Variants in GSE1 observed in about 807,000 individuals in gnomAD.
GSE1 encodes the protein Gse1 coiled-coil protein.
GSE1 carries 32 observed loss-of-function variants against 112.6 expected under a neutral mutation model. That is an observed-to-expected ratio of 0.28 (90% CI 0.21 to 0.38). The LOEUF is 0.38. GSE1 is among the 10% of genes least tolerant of loss of function. The pLI, the probability that GSE1 is intolerant of heterozygous loss-of-function variation, is 1.00. For synonymous variants in GSE1, 1,115 were observed against 735.6 expected, an observed-to-expected ratio of 1.52 and a Z score of -8.35; for missense variants, 2,348 against 1,699.2, an observed-to-expected ratio of 1.38 and a Z score of -6.71.
intron 6 of GSE1, 114 bp downstream of exon 6, chr16:85,656,031 A>T: frequency 1.2e-6 from 1 of 825,942 alleles, no homozygotes; most frequent in Non-Finnish European, 1.9e-6. Context: ...CTGTCCTCAC[A>T]GTTTGTCCAC....
At chr16:85,319,419 G>T (rs2046052645) in intron 1 of GSE1, among the ~76,000 whole-genome samples, 1 of 152,184 alleles carries the variant, frequency 6.6e-6, no homozygotes, top group African/African-American at 2.4e-5. Flanking sequence ...CTGGGCCTCA[G>T]CCTGTGTCCG....
At chr16:85,651,637 A>G (rs1474096093) in intron 3 of GSE1, among the ~76,000 whole-genome samples, 1 of 152,000 alleles carries the variant, frequency 6.6e-6, no homozygotes, top group African/African-American at 2.4e-5. Flanking sequence ...GGCTGTTGGT[A>G]GTTTGACCCT....
intron 2 of GSE1, among the ~76,000 whole-genome samples, chr16:85,434,345 A>AATAATAATAATCATCATCATCATC (rs60129328): frequency 7.0e-6 from 1 of 143,460 alleles, no homozygotes; most frequent in Non-Finnish European, 1.5e-5. Flanking sequence ...TAATAATAAT[A>AATAATAATAATCATCATCATCATC]ATCAGTGCCG....
At chr16:85,256,714 G>T (rs1189641582) in intron 1 of GSE1, among the ~76,000 whole-genome samples, 1 of 152,248 alleles carries the variant, frequency 6.6e-6, no homozygotes, top group Non-Finnish European at 1.5e-5. Context: ...GCCACCCAGA[G>T]GTGTTGTCAG....
rs1465046495 is a variant in GSE1 at position 85,361,316 on chromosome 16, C to A, written c.2464+3673C>A. Among the ~76,000 whole-genome samples the A allele has an allele frequency of 6.9e-4, 74 of 106,810 alleles. 5 individuals carry two copies. The highest frequency in any genetic ancestry group is 2.6e-3 in the African/African-American group (66 of 25,186). The allele number at this position is 106,810 out of a possible 152,430, so 70.1% of individuals were successfully genotyped here. On this transcript the variant is annotated intron_variant, in intron 2 of 2. Coordinates refer to the GSE1 transcript ENST00000637419. The stretch of plus-strand genomic sequence containing the variant: ...AGACACACAGAGACAGGCACAGACC[C>A]CCCCACACACAAACACACACACACA...
At chr16:85,426,499 T>C (rs1205958506) in intron 2 of GSE1, among the ~76,000 whole-genome samples, 1 of 120,098 alleles carries the variant, frequency 8.3e-6, no homozygotes, top group African/African-American at 3.4e-5. Context: ...TGTATATGGA[T>C]GGATGGATGG....
intron 1 of GSE1, among the ~76,000 whole-genome samples, chr16:85,319,655 C>T (rs1378851578): frequency 2.0e-5 from 3 of 152,146 alleles, no homozygotes; most frequent in Admixed American, 6.5e-5. Flanking sequence ...CCTCGAACAC[C>T]GCCTCCAGCA....
intron 1 of GSE1, among the ~76,000 whole-genome samples, chr16:85,325,457 A>T (rs896528217): frequency 3.4e-5 from 5 of 147,682 alleles, no homozygotes; most frequent in African/African-American, 1.0e-4. Flanking sequence ...AAAAAAAAAA[A>T]TTTTTTTTTT....
At chr16:85,617,489 T>C (rs772960011) in intron 1 of GSE1, among the ~76,000 whole-genome samples, 3 of 152,072 alleles carry the variant, frequency 2.0e-5, no homozygotes, top group Non-Finnish European at 2.9e-5. Context: ...GGCTGCACTT[T>C]TGAATCACCT....
At chr16:85,241,293 C>A (rs895876178) in intron 1 of GSE1, among the ~76,000 whole-genome samples, 1 of 152,314 alleles carries the variant, frequency 6.6e-6, no homozygotes. Flanking sequence ...GGTGAGGAGT[C>A]GGTGCTGGGG....
rs1344306696 is a variant in GSE1 at position 85,657,538 on chromosome 16, A to G, written c.1574A>G (p.Gln525Arg). ...VSEFRQQVLE[Q>R]HLDMGRPPVP... is the part of the protein sequence containing the mutation. ...GAGTTCCGGCAGCAGGTGCTGGAGC[A>G]GCACCTGGATATGGGCCGGCCCCCG... Residue 525 changes from glutamine to arginine, a missense_variant, in exon 8 of 16, where the codon CAG (glutamine) becomes CGG (arginine). Physicochemically the swap from Gln to Arg is conservative, Grantham distance 43 (BLOSUM62 1). Coordinates refer to ENST00000253458, the MANE Select transcript of GSE1 (RefSeq NM_014615.5). 1 of 1,601,790 alleles carries G rather than the reference A, an allele frequency of 6.2e-7. No homozygotes were observed. Among genetic ancestry groups the G allele is most frequent in the South Asian group, 1.1e-5 (1 of 89,750 alleles).
rs777515033 is a variant in GSE1 at position 85,672,341 on chromosome 16, A to C, written c.3520-64A>C. 8.0e-6 allele frequency: 10 copies of C among 1,243,984 alleles called. 1 individual carries two copies. In the South Asian group the frequency reaches 1.1e-4, roughly 14 times the overall value. The allele number at this position is 1,243,984 out of a possible 1,614,324, so 77.1% of individuals were successfully genotyped here. ...TTACCCTTCCATCCAGCATGTTTGTACTCTACATGCTTGTCCTTACAGAGG... is the reference window on the plus strand; with the variant it reads ...TTACCCTTCCATCCAGCATGTTTGTCCTCTACATGCTTGTCCTTACAGAGG... On this transcript the variant is annotated intron_variant, in intron 15 of 15. Coordinates refer to ENST00000253458, the MANE Select transcript of GSE1 (RefSeq NM_014615.5).
At chr16:85,618,537 C>A (rs146995836) in intron 1 of GSE1, among the ~76,000 whole-genome samples, 210 of 152,340 alleles carry the variant, frequency 1.4e-3, no homozygotes, top group Middle Eastern at 3.4e-3. Flanking sequence ...GTCTTCTAAT[C>A]TGTGGAATAG....
chr16:85,328,796 TCCCCGCCCCGGGGC>T (rs2046278834), intron 1 of GSE1, among the ~76,000 whole-genome samples: 1 of 2,558 alleles, frequency 3.9e-4, no homozygotes, highest in East Asian at 0.5. Flanking sequence ...CGGCTGGGCG[TCCCCGCCCCGGGGC>T]CTCCCCGCCC....
intron 1 of GSE1, among the ~76,000 whole-genome samples, chr16:85,215,287 T>G (rs1378379892): frequency 6.6e-5 from 10 of 152,066 alleles, no homozygotes; most frequent in African/African-American, 2.2e-4. Context: ...TTATTCTAAG[T>G]GAAGTAACAT....
intron 1 of GSE1, among the ~76,000 whole-genome samples, chr16:85,269,741 C>T (rs1908640450): frequency 6.7e-6 from 1 of 149,328 alleles, no homozygotes; most frequent in Non-Finnish European, 1.5e-5. Flanking sequence ...ACCAGACGCC[C>T]TTGCACCTGG....
In GSE1 at chr16:85,476,058, G is replaced by C. The variant is rs375821650; in HGVS notation, c.2464+118415G>C. On this transcript the variant is annotated intron_variant, in intron 2 of 2. Coordinates refer to the GSE1 transcript ENST00000637419. ...TGATTCTCCCGCCTCAGCCTCCCCA[G>C]GAGCCGGGACGACAGTTGCGTGCCA... is the stretch of plus-strand genomic sequence containing the variant. Among the ~76,000 whole-genome samples the C allele has an allele frequency of 4.7e-4, 71 of 152,280 alleles. No individual in the cohort carries two copies. In the South Asian group the frequency reaches 7.2e-3, roughly 16 times the overall value.
chr16:85,667,505 C>G (rs900963601), intron 13 of GSE1, among the ~76,000 whole-genome samples: 6 of 152,212 alleles, frequency 3.9e-5, no homozygotes, highest in African/African-American at 1.4e-4. Context: ...TCAAAACAGC[C>G]ACGCCTTGTG....
At chr16:85,418,091 C>A (rs956128338) in intron 2 of GSE1, among the ~76,000 whole-genome samples, 1 of 152,230 alleles carries the variant, frequency 6.6e-6, no homozygotes, top group African/African-American at 2.4e-5. Flanking sequence ...CCCGCCTCAG[C>A]CTCCCAAAGT....
Sources: allele counts gnomAD v4.1 joint callset (sites outside exome capture counted in the v4.1 genomes callset), GRCh38; gene constraint gnomAD v4.1.1; transcripts MANE v1.5; gene names NCBI Gene and HGNC (gene_info 2026-07-23, HGNC 2026-07-21).